DNAH10: variants seen among roughly 807,000 people sequenced by gnomAD.
DNAH10 encodes dynein axonemal heavy chain 10.
A neutral mutation model predicts 506.6 loss-of-function variants in DNAH10; 348 were observed. That is an observed-to-expected ratio of 0.69 (90% confidence interval 0.63 to 0.75). The LOEUF is 0.75. Ranked by LOEUF, DNAH10 falls within the 30% of genes least tolerant of loss-of-function variation. DNAH10 has a pLI of 0.00. For missense variants in DNAH10, 5,179 were observed against 5,787.1 expected (o/e 0.89, Z 3.41); for synonymous variants, 2,059 against 2,198.6 (o/e 0.94, Z 1.78).
rs979080564 is a variant in DNAH10, at chr12:123,818,966, A to G, written c.3797A>G (p.Lys1266Arg). ...MYNLFPPDAE[K>R]ELVDKIESIW... is the part of the protein sequence containing the mutation. ...CCTAATTAGCCTCCTGATGCAGAGA[A>G]AGAACTGGTTGATAAGATTGAGAGC... The change falls in exon 22 of 79, where the codon AAA becomes AGA. Residue 1266 changes from lysine (K) to arginine (R), a missense_variant. Around this residue, in one of 3 missense-constraint regions of DNAH10, gnomAD observed 4,844 missense variants for 5,430.5 expected, o/e 0.89. Coordinates refer to ENST00000673944, the MANE Select transcript of DNAH10 (RefSeq NM_001372106.1). 4 of 1,603,234 alleles carry G rather than the reference A, an allele frequency of 2.5e-6. No individual in the cohort carries two copies. The African/African-American group carries it at 4.0e-5, about 16-fold the overall frequency.
chr12:123,781,347 G>A (rs1482556216), intron 6 of DNAH10, 48 bp downstream of exon 6: 15 of 1,546,500 alleles, frequency 9.7e-6, no homozygotes, highest in Middle Eastern at 3.9e-4. Context: ...TTAATTTACT[G>A]TAGTTGGGAT....
rs985590087 is a variant in DNAH10 at position 123,875,040 on chromosome 12, C to T, written c.7939-191C>T. Among the ~76,000 whole-genome samples, 5 of 152,140 alleles carry T rather than the reference C, an allele frequency of 3.3e-5. No individual in the cohort carries two copies. The East Asian group carries it at 5.8e-4, about 18-fold the overall frequency. ...TGAAGCTGTAGTATCGTAAGGGAGA[C>T]AAACTTCAAAAAACACAATCACAAA... On this transcript the variant is annotated intron_variant, in intron 46 of 78. Transcript: ENST00000673944.
Position 123,853,866 on chromosome 12 carries a change from A to G in DNAH10, c.6438+514A>G, listed in dbSNP as rs942493474. ...CGCACGGACACACGCACGCGCACAC[A>G]CACACGGATACATGCACGCGCACAC... On this transcript the variant is annotated intron_variant, in intron 36 of 78. Coordinates refer to ENST00000673944, the MANE Select transcript of DNAH10 (RefSeq NM_001372106.1). The surrounding 1 kb of genome is among the most constrained non-coding windows in gnomAD (Gnocchi z 4.7). Among the ~76,000 whole-genome samples, 1 of 149,948 alleles carries G rather than the reference A, an allele frequency of 6.7e-6. No homozygotes were observed. Among genetic ancestry groups the G allele is most frequent in the African/African-American group, 2.5e-5 (1 of 40,666 alleles).
intron 36 of DNAH10, among the ~76,000 whole-genome samples, chr12:123,855,399 T>C (rs1233659432): frequency 6.6e-6 from 1 of 152,052 alleles, no homozygotes; most frequent in Non-Finnish European, 1.5e-5. Flanking sequence ...GGTGGGAGGA[T>C]TGCTTGAGGC....
intron 24 of DNAH10, among the ~76,000 whole-genome samples, chr12:123,823,490 A>G (rs1284503377): frequency 6.6e-6 from 1 of 152,220 alleles, no homozygotes; most frequent in Non-Finnish European, 1.5e-5. Flanking sequence ...GTGGAAAGTG[A>G]TGAGACCTGG....
intron 38 of DNAH10, among the ~76,000 whole-genome samples, chr12:123,859,536 G>A (rs908495110): frequency 1.3e-5 from 2 of 152,118 alleles, no homozygotes; most frequent in African/African-American, 4.8e-5. Context: ...ATCTTATAAG[G>A]ATATTTTGAA....
At chr12:123,812,268 G>T (rs879634941) in intron 19 of DNAH10, among the ~76,000 whole-genome samples, 3 of 151,996 alleles carry the variant, frequency 2.0e-5, no homozygotes, top group Non-Finnish European at 4.4e-5. Flanking sequence ...TGGCTAACAC[G>T]GTGAAACCCC....
chr12:123,856,793 T>C (rs1297434994), intron 36 of DNAH10, among the ~76,000 whole-genome samples: 1 of 147,806 alleles, frequency 6.8e-6, no homozygotes, highest in African/African-American at 2.4e-5. Flanking sequence ...TTTCTGTATA[T>C]AAAAATATAT....
Position 123,917,538 on chromosome 12 carries a change from T to A in DNAH10, c.11003-46T>A. ...CACAGCAGGGCAGCGGGAGAGACTGTTGTTGGGGGCCGCAGGTGGTGAGGG... is the reference window on the plus strand; with the variant it reads ...CACAGCAGGGCAGCGGGAGAGACTGATGTTGGGGGCCGCAGGTGGTGAGGG... On this transcript the variant is annotated intron_variant, in intron 63 of 78. Transcript: ENST00000673944. This position sits in a 1 kb window ranked among gnomAD's most constrained non-coding sequence, Gnocchi z 5.6. 6.5e-7 allele frequency: 1 copy of A among 1,530,030 alleles called. No individual in the cohort carries two copies. The highest frequency in any genetic ancestry group is 1.2e-5 in the South Asian group (1 of 83,326). 94.8% of individuals were successfully genotyped at this position (1,530,030 alleles called of 1,614,324 possible).
chr12:123,855,440 G>A (rs977983642), intron 36 of DNAH10, among the ~76,000 whole-genome samples: 6 of 151,848 alleles, frequency 4.0e-5, no homozygotes, highest in Non-Finnish European at 7.4e-5. Context: ...AGGCAACATG[G>A]CAAAACCCCA....
At chr12:123,882,770 A>T (rs1430265701) in intron 51 of DNAH10, among the ~76,000 whole-genome samples, 1 of 133,484 alleles carries the variant, frequency 7.5e-6, no homozygotes, top group Non-Finnish European at 1.5e-5. Context: ...CCAGCCTGGG[A>T]GACAGAGTAA....
rs1195929024 is a variant in DNAH10, at chr12:123,934,458, T to A, written c.13478-163T>A. 1.2e-5 allele frequency: 10 copies of A among 859,468 alleles called. No homozygotes were observed. The East Asian group carries it at 2.6e-4, about 23-fold the overall frequency. 53.2% of individuals were successfully genotyped at this position (859,468 alleles called of 1,614,324 possible). ...GGGCTGCTCCTCCACAGAGGGAAGG[T>A]GGGCAGGACAGAAATGCTGGAGAAG... On this transcript the variant is annotated intron_variant, in intron 77 of 78. Coordinates refer to ENST00000673944, the MANE Select transcript of DNAH10 (RefSeq NM_001372106.1).
intron 32 of DNAH10, among the ~76,000 whole-genome samples, chr12:123,847,356 A>T (rs1300292133): frequency 7.0e-6 from 1 of 143,006 alleles, no homozygotes; most frequent in Non-Finnish European, 1.6e-5. Flanking sequence ...ATCTATCTGG[A>T]TATTTAGGAG....
intron 47 of DNAH10, among the ~76,000 whole-genome samples, chr12:123,877,361 G>A (rs1405735991): frequency 6.6e-6 from 1 of 152,114 alleles, no homozygotes; most frequent in Non-Finnish European, 1.5e-5. Context: ...ACCCAGGCTG[G>A]AGTGCAATGG....
At chr12:123,915,516 CT>C (rs35757983) in intron 62 of DNAH10, among the ~76,000 whole-genome samples, 10,992 of 151,916 alleles carry the variant, frequency 0.072, 1,081 homozygotes, top group African/African-American at 0.22. Flanking sequence ...GCCATCACCC[CT>C]CCAGTCCTTC....
In DNAH10 at chr12:123,865,969, G is replaced by T; in HGVS notation, c.7063G>T (p.Ala2355Ser). 6.2e-7 allele frequency: 1 copy of T among 1,606,312 alleles called. No individual in the cohort carries two copies. The change falls in exon 41 of 79, where the codon GCC becomes TCC. Residue 2355 changes from alanine to serine, a missense_variant. Coordinates refer to ENST00000673944, the MANE Select transcript of DNAH10 (RefSeq NM_001372106.1). ...TATCCAGGTTGGAGATTTACAGTAT[G>T]CCTCCCCTGCAACTGTCTCTCGATG... ...LLFEVGDLQY[A>S]SPATVSRCGM... is the part of the protein sequence containing the mutation.
chr12:123,896,148 CAGAGAGAGAGAGAGAGAGAG>C (rs71444923), intron 54 of DNAH10, among the ~76,000 whole-genome samples: 3 of 95,270 alleles, frequency 3.1e-5, no homozygotes, highest in African/African-American at 1.6e-4. Context: ...CACACACACA[CAGAGAGAGAGAGAGAGAGAG>C]AGAGAGAGAG....
rs891461439 is a variant in DNAH10, at chr12:123,930,342, C to T, written c.12613-60C>T. 6.3e-6 allele frequency: 9 copies of T among 1,425,728 alleles called. No individual in the cohort carries two copies. In the African/African-American group the frequency reaches 1.3e-4, roughly 21 times the overall value. The allele number at this position is 1,425,728 out of a possible 1,614,324, so 88.3% of individuals were successfully genotyped here. ...CTGGGTGAGCCTCTGGCCCCGGGCC[C>T]CCAGGGTGCACACAGTAGGTTCTGA... On this transcript the variant is annotated intron_variant, in intron 72 of 78. Transcript: ENST00000673944.
rs145909972 is a variant in DNAH10, at chr12:123,819,635, G to A, written c.4000+385G>A. Among the ~76,000 whole-genome samples, 468 of 151,188 alleles carry A rather than the reference G, an allele frequency of 3.1e-3. 2 individuals are homozygous for A. Among genetic ancestry groups the A allele is most frequent in the African/African-American group, 0.011 (447 of 41,120 alleles). On this transcript the variant is annotated intron_variant, in intron 23 of 78. Transcript: ENST00000673944. ...TTACATTTATTCTTTGGATTCAGAT[G>A]CTTGTCCTCTGCCCTTCACATCACA...
Sources: gnomAD v4.1 joint callset for allele counts (sites outside exome capture counted in the v4.1 genomes callset) on GRCh38, gnomAD v4.1.1 for gene constraint, gnomAD v4.1.1 regional missense constraint, Gnocchi (gnomAD v3.1) non-coding constraint, MANE v1.5 for transcripts, NCBI Gene and HGNC (gene_info 2026-07-23, HGNC 2026-07-21) for gene names.